BECN1: variants seen among roughly 807,000 people sequenced by gnomAD.
BECN1 encodes the protein beclin 1.
A neutral mutation model predicts 60.1 loss-of-function variants in BECN1; 15 were observed. The ratio of observed to expected loss-of-function variants is 0.25; its 90% CI spans 0.17 to 0.38. The LOEUF is 0.38. BECN1 is among the 10% of genes least tolerant of loss of function. BECN1 has a pLI of 1.00. For synonymous variants in BECN1, 179 were observed against 201.8 expected (o/e 0.89, Z 0.96); for missense variants, 424 against 548.2 (o/e 0.77, Z 2.26).
rs1230638169 is a variant in BECN1 at position 42,816,146 on chromosome 17, C to T, written c.684-92G>A. 12 of 1,301,058 alleles carry T rather than the reference C, an allele frequency of 9.2e-6. No individual in the cohort carries two copies. In the African/African-American group the frequency reaches 1.3e-4, roughly 15 times the overall value. 80.6% of individuals were successfully genotyped at this position (1,301,058 alleles called of 1,614,324 possible). ...CTATGAACGATTCTTTAGTGATCAT[C>T]GTTACATCTAGCTCTCGCATCTTTT... On this transcript the variant is annotated intron_variant, in intron 7 of 11. Coordinates refer to ENST00000590099, the MANE Select transcript of BECN1 (RefSeq NM_001313998.2).
intron 11 of BECN1, 28 bp downstream of exon 11, chr17:42,811,627 A>G: frequency 1.9e-6 from 3 of 1,598,240 alleles, no homozygotes; most frequent in Non-Finnish European, 2.6e-6. Context: ...GTCCTATACA[A>G]GTTCACTCAG....
At chr17:42,822,303 C>G (rs1394492394) in intron 2 of BECN1, among the ~76,000 whole-genome samples, 1 of 152,184 alleles carries the variant, frequency 6.6e-6, no homozygotes, top group African/African-American at 2.4e-5. Flanking sequence ...CAGCAAATTC[C>G]TAAGTGTTTC....
At chr17:42,818,088 T>G in intron 7 of BECN1, 133 bp downstream of exon 7, 1 of 911,260 alleles carries the variant, frequency 1.1e-6, no homozygotes. Flanking sequence ...GGAAGCAATA[T>G]GCAGGATCTG....
intron 1 of BECN1, 122 bp from the exon 2 acceptor site, chr17:42,824,001 T>C: frequency 7.8e-7 from 1 of 1,287,374 alleles, no homozygotes; most frequent in Non-Finnish European, 1.1e-6. Flanking sequence ...CGCCGTTCCC[T>C]CTAGGAATGG....
chr17:42,823,070 T>TA (rs971496757), intron 2 of BECN1, among the ~76,000 whole-genome samples: 3 of 152,168 alleles, frequency 2.0e-5, no homozygotes, highest in African/African-American at 7.2e-5. Context: ...GTTCTTCATC[T>TA]GAAAAATGAT....
At chr17:42,820,422 A>G in intron 3 of BECN1, 1 of 222,504 alleles carries the variant, frequency 4.5e-6, no homozygotes, top group East Asian at 9.6e-5. Context: ...ATTAACAACT[A>G]GCTAGAACAA....
chr17:42,819,528 G>A lies in BECN1; in HGVS notation c.260+20C>T. On this transcript the variant is annotated intron_variant, in intron 4 of 11. Coordinates refer to ENST00000590099, the MANE Select transcript of BECN1 (RefSeq NM_001313998.2). The stretch of plus-strand genomic sequence containing the variant: ...CTACTAGCCTTTGGCAAGGAATGGG[G>A]GCTGAGAAGTAGTAGGCACCTGGCT... The A allele has an allele frequency of 6.2e-7, 1 of 1,612,468 alleles. No individual in the cohort carries two copies. The highest frequency in any genetic ancestry group is 1.7e-5 in the Admixed American group (1 of 59,800).
At chr17:42,815,750 T>C (rs1283985241) in intron 8 of BECN1, 158 bp downstream of exon 8, 1 of 911,880 alleles carries the variant, frequency 1.1e-6, no homozygotes, top group Admixed American at 2.4e-5. Context: ...AGAATTCCAA[T>C]CCCTACTGTG....
chr17:42,822,064 G>A (rs1392494167), intron 2 of BECN1, among the ~76,000 whole-genome samples: 6 of 152,110 alleles, frequency 3.9e-5, no homozygotes, highest in African/African-American at 1.4e-4. Flanking sequence ...TTAGCTGGGC[G>A]TGGCGGTGTG....
intron 2 of BECN1, among the ~76,000 whole-genome samples, chr17:42,822,213 CA>C (rs911108747): frequency 5.9e-5 from 9 of 151,700 alleles, no homozygotes; most frequent in African/African-American, 2.2e-4. Flanking sequence ...AACAAACAAA[CA>C]AAAAAAAGAG....
intron 8 of BECN1, 115 bp downstream of exon 8, chr17:42,815,793 G>A (rs1597931555): frequency 1.5e-6 from 2 of 1,359,820 alleles, no homozygotes; most frequent in Non-Finnish European, 2.1e-6. Flanking sequence ...AAGAAACCTA[G>A]TTGGGTGAAG....
intron 2 of BECN1, among the ~76,000 whole-genome samples, chr17:42,822,134 C>A (rs1196873236): frequency 6.6e-6 from 1 of 152,106 alleles, no homozygotes; most frequent in Admixed American, 6.5e-5. Context: ...ACCCGGGAGG[C>A]AGAGGTTGCA....
chr17:42,822,460 G>A (rs1395401464), intron 2 of BECN1, among the ~76,000 whole-genome samples: 1 of 152,186 alleles, frequency 6.6e-6, no homozygotes, highest in African/African-American at 2.4e-5. Context: ...TTAAACCCAA[G>A]CAGGCTGACT....
In BECN1 at chr17:42,821,363, T is replaced by C. The variant is rs536791266; in HGVS notation, c.131-522A>G. On this transcript the variant is annotated intron_variant, in intron 2 of 11. Transcript: ENST00000590099. The stretch of plus-strand genomic sequence containing the variant: ...GTCACCGCGCCCGGCCGGTATCATT[T>C]ATCTTTAAGAATCCTTATCTGTCAA... Among the ~76,000 whole-genome samples, 296 of 152,312 alleles carry C rather than the reference T, an allele frequency of 1.9e-3. 1 individual carries two copies. Among genetic ancestry groups the C allele is most frequent in the Non-Finnish European group, 3.5e-3 (236 of 68,016 alleles).
At chr17:42,820,326 C>CT (rs2055236954) in intron 3 of BECN1, 1 of 159,986 alleles carries the variant, frequency 6.3e-6, no homozygotes, top group Admixed American at 6.1e-5. Flanking sequence ...GACATGTTCT[C>CT]TAACACTGAC....
intron 7 of BECN1, among the ~76,000 whole-genome samples, chr17:42,817,167 C>T (rs771226003): frequency 7.3e-5 from 11 of 151,626 alleles, no homozygotes; most frequent in Admixed American, 3.3e-4. Flanking sequence ...TGGTGTTGCG[C>T]GCCTGTAGTT....
Position 42,823,670 on chromosome 17 carries a change from G to GCCA in BECN1, c.130+75_130+77dup, listed in dbSNP as rs1567675281. On this transcript the variant is annotated intron_variant, in intron 2 of 11. Coordinates refer to ENST00000590099, the MANE Select transcript of BECN1 (RefSeq NM_001313998.2). ...CGATGAGTTTGTGGCAGACTACACA[G>GCCA]CCACCATAAGAATTATATCACCAAA... 1.9e-6 allele frequency: 3 copies of GCCA among 1,545,648 alleles called. No homozygotes were observed. The South Asian group carries it at 3.6e-5, about 19-fold the overall frequency.
chr17:42,823,750 G>C lies in BECN1; in HGVS notation c.128C>G (p.Thr43Arg). Residue 43 changes from threonine to arginine, a missense_variant and splice_region_variant, in exon 2 of 12, where the codon ACA (threonine) becomes AGA (arginine). Coordinates refer to ENST00000590099, the MANE Select transcript of BECN1 (RefSeq NM_001313998.2). ...CTCTTTCCAAGGGTCTCGCTGACCT[G>C]TGAGTTCCTGGATGGTGACACGGTC... is the stretch of plus-strand genomic sequence containing the variant. ...ILDRVTIQEL[T>R]APLLTTAQAK... The C allele has an allele frequency of 6.2e-7, 1 of 1,613,732 alleles. No individual in the cohort carries two copies. The highest frequency in any genetic ancestry group is 8.5e-7 in the Non-Finnish European group (1 of 1,179,752).
At chr17:42,823,994 C>T in intron 1 of BECN1, 115 bp from the exon 2 acceptor site, 2 of 1,347,970 alleles carry the variant, frequency 1.5e-6, no homozygotes, top group Admixed American at 4.6e-5. Context: ...CAACCTGCGC[C>T]GTTCCCTCTA....
Sources: allele counts gnomAD v4.1 joint callset (sites outside exome capture counted in the v4.1 genomes callset), GRCh38; gene constraint gnomAD v4.1.1; transcripts MANE v1.5; gene names NCBI Gene and HGNC (gene_info 2026-07-23, HGNC 2026-07-21).